NR6A1: variants seen among roughly 807,000 people sequenced by gnomAD.
NR6A1 encodes retinoic acid receptor-related testis-associated receptor.
In NR6A1, 7 loss-of-function variants were observed where a neutral mutation model predicts 59.1. That is an observed-to-expected ratio of 0.12 (90% CI 0.07 to 0.22). NR6A1 has a LOEUF of 0.22. NR6A1 is among the 10% of genes least tolerant of loss of function. The probability of loss-of-function intolerance (pLI) is 1.00; values close to 1 mark genes in which losing one functional copy is unlikely to be tolerated. For missense variants in NR6A1, 468 were observed against 611.6 expected (o/e 0.77, Z 2.48); for synonymous variants, 243 against 236.1 (o/e 1.03, Z -0.27).
chr9:124,591,236 A>T (rs1447452463), intron 2 of NR6A1, among the ~76,000 whole-genome samples: 2 of 152,180 alleles, frequency 1.3e-5, no homozygotes, highest in Non-Finnish European at 2.9e-5. Context: ...TTTGAAACTC[A>T]TTTCAATTCA....
intron 1 of NR6A1, among the ~76,000 whole-genome samples, chr9:124,759,648 C>T (rs1477635517): frequency 6.6e-6 from 1 of 152,228 alleles, no homozygotes; most frequent in Non-Finnish European, 1.5e-5. Context: ...GTACTCCTGC[C>T]TTGAGTAACT....
intron 2 of NR6A1, among the ~76,000 whole-genome samples, chr9:124,727,885 A>G (rs142678481): frequency 0.022 from 3,372 of 151,358 alleles, 116 homozygotes; most frequent in African/African-American, 0.075. Flanking sequence ...GGGTTTCACC[A>G]TGTTAGCCAG....
At chr9:124,734,377 TTTCACCAGTAAA>T (rs1839963922) in intron 1 of NR6A1, among the ~76,000 whole-genome samples, 2 of 152,294 alleles carry the variant, frequency 1.3e-5, no homozygotes, top group African/African-American at 4.8e-5. Flanking sequence ...AACTGTAGTA[TTTCACCAGTAAA>T]TTCAGAAATA....
intron 2 of NR6A1, among the ~76,000 whole-genome samples, chr9:124,560,787 C>T (rs1442543105): frequency 6.6e-6 from 1 of 152,182 alleles, no homozygotes; most frequent in Non-Finnish European, 1.5e-5. Context: ...TCTCAAACTC[C>T]TGACCTCAGA....
chr9:124,557,282 G>A (rs1971464), intron 2 of NR6A1, among the ~76,000 whole-genome samples: 93,369 of 151,864 alleles, frequency 0.61, 30,302 homozygotes, highest in African/African-American at 0.83. Flanking sequence ...TTACAGGAAC[G>A]TGCCACCATG....
At chr9:124,684,498 G>C (rs1157132989) in intron 2 of NR6A1, among the ~76,000 whole-genome samples, 1 of 152,178 alleles carries the variant, frequency 6.6e-6, no homozygotes, top group East Asian at 1.9e-4. Flanking sequence ...CAAGACACAA[G>C]GCAGCAGCTG....
chr9:124,756,899 T>C (rs1394955440), intron 1 of NR6A1, among the ~76,000 whole-genome samples: 2 of 151,234 alleles, frequency 1.3e-5, no homozygotes, highest in Non-Finnish European at 2.9e-5. Flanking sequence ...AATTCGAAGG[T>C]AGCCTCAGAA....
chr9:124,655,862 T>C (rs1442046421), intron 2 of NR6A1, among the ~76,000 whole-genome samples: 1 of 152,178 alleles, frequency 6.6e-6, no homozygotes, highest in African/African-American at 2.4e-5. Context: ...AAAACTGTCT[T>C]GATAGCAAAA....
chr9:124,520,063 GAAGA>G lies in NR6A1; in HGVS notation c.*2638_*2641del. On this transcript the variant is annotated 3_prime_UTR_variant, in exon 10 of 10. Coordinates refer to ENST00000487099, the MANE Select transcript of NR6A1 (RefSeq NM_033334.4). ...CTACCTGTTAACCAAACATTATGGG[GAAGA>G]AAGCAAAAAACAAACACACCAAACC... is the stretch of plus-strand genomic sequence containing the variant. 6.6e-6 allele frequency: 1 copy of G among 152,092 alleles called. No individual in the cohort carries two copies. Among genetic ancestry groups the G allele is most frequent in the Middle Eastern group, 3.4e-3 (1 of 294 alleles). The allele number at this position is 152,092 out of a possible 1,614,324, so 9.4% of individuals were successfully genotyped here. A position where few individuals can be genotyped will look rare whatever the true frequency, so the allele number is the denominator to read the frequency against.
Position 124,569,955 on chromosome 9 carries a change from T to C in NR6A1, c.143-15385A>G, listed in dbSNP as rs549077648. 6.2e-4 allele frequency among the ~76,000 whole-genome samples: 94 copies of C among 152,332 alleles called. 1 individual carries two copies. In the South Asian group the frequency reaches 0.018, roughly 30 times the overall value. On this transcript the variant is annotated intron_variant, in intron 2 of 9. Transcript: ENST00000487099. ...TGGACTATTTGGGAGTTATTCTTAC[T>C]GATCACTAGTGTGAAAGGAAAATAA...
At chr9:124,634,824 A>C (rs372714749) in intron 2 of NR6A1, among the ~76,000 whole-genome samples, 1 of 152,126 alleles carries the variant, frequency 6.6e-6, no homozygotes, top group East Asian at 1.9e-4. Flanking sequence ...TCTCTCAAAA[A>C]AAAGAGAGAG....
chr9:124,577,590 A>C (rs1834637968), intron 2 of NR6A1, among the ~76,000 whole-genome samples: 1 of 152,236 alleles, frequency 6.6e-6, no homozygotes, highest in Admixed American at 6.5e-5. Context: ...CTGAGTCCAG[A>C]AAAGGAAAGT....
chr9:124,707,693 T>C (rs1839174215), intron 2 of NR6A1, among the ~76,000 whole-genome samples: 1 of 152,236 alleles, frequency 6.6e-6, no homozygotes, highest in Non-Finnish European at 1.5e-5. Context: ...TTACTAACTT[T>C]CCTGCACTAA....
chr9:124,688,029 T>C (rs1317598083), intron 2 of NR6A1, among the ~76,000 whole-genome samples: 1 of 152,004 alleles, frequency 6.6e-6, no homozygotes, highest in Non-Finnish European at 1.5e-5. Context: ...TAAAACAATA[T>C]GGTATAAGTT....
At chr9:124,768,857 G>C (rs962391120) in intron 1 of NR6A1, among the ~76,000 whole-genome samples, 2 of 152,182 alleles carry the variant, frequency 1.3e-5, no homozygotes, top group African/African-American at 4.8e-5. Context: ...TTGAATTGCA[G>C]TAAAATCCGT....
intron 2 of NR6A1, among the ~76,000 whole-genome samples, chr9:124,695,130 C>G (rs999123318): frequency 1.3e-5 from 2 of 152,198 alleles, no homozygotes; most frequent in African/African-American, 4.8e-5. Context: ...TCAACTATTG[C>G]CCAACCTTTT....
chr9:124,679,988 A>G (rs1838088458), intron 2 of NR6A1, among the ~76,000 whole-genome samples: 1 of 152,068 alleles, frequency 6.6e-6, no homozygotes, highest in Non-Finnish European at 1.5e-5. Context: ...AAAACAGACA[A>G]GATTATAGGG....
At chr9:124,677,042 T>C (rs890159139) in intron 2 of NR6A1, among the ~76,000 whole-genome samples, 1 of 152,128 alleles carries the variant, frequency 6.6e-6, no homozygotes, top group African/African-American at 2.4e-5. Context: ...CATTCTCTAT[T>C]TCCCTCCAGT....
intron 2 of NR6A1, among the ~76,000 whole-genome samples, chr9:124,694,010 T>C (rs755437417): frequency 1.3e-5 from 2 of 152,208 alleles, no homozygotes; most frequent in African/African-American, 4.8e-5. Flanking sequence ...AAGAATTAAA[T>C]ACATATCTGG....
Sources: allele counts gnomAD v4.1 joint callset (sites outside exome capture counted in the v4.1 genomes callset), GRCh38; gene constraint gnomAD v4.1.1; transcripts MANE v1.5; gene names NCBI Gene and HGNC (gene_info 2026-07-23, HGNC 2026-07-21).